Variants in NANS observed in about 807,000 individuals in gnomAD.
NANS encodes the protein N-acetylneuraminate-9-phosphate synthase.
NANS carries 29 observed loss-of-function variants against 33.3 expected under a neutral mutation model. The observed-to-expected ratio is 0.87, with a 90% CI of 0.65 to 1.19. The LOEUF is 1.19. Ranked by LOEUF, NANS falls within the 50% of genes most tolerant of loss-of-function variation. The probability of loss-of-function intolerance (pLI) is 0.00; values close to 1 mark genes in which losing one functional copy is unlikely to be tolerated. For synonymous variants in NANS, 163 were observed against 177.2 expected, an observed-to-expected ratio of 0.92 and a Z score of 0.64; for missense variants, 394 against 461.1, an observed-to-expected ratio of 0.85 and a Z score of 1.33.
intron 5 of NANS, 77 bp downstream of exon 5, chr9:98,081,159 G>T: frequency 1.9e-6 from 3 of 1,561,878 alleles, no homozygotes; most frequent in Non-Finnish European, 2.6e-6. Context: ...GGGATGGTCA[G>T]GACCAGCCCT....
chr9:98,057,456 T>C (rs943133356), intron 1 of NANS, among the ~76,000 whole-genome samples: 1 of 152,218 alleles, frequency 6.6e-6, no homozygotes, highest in Non-Finnish European at 1.5e-5. Context: ...AAGCCGGGCC[T>C]TTGAGTTCAA....
At chr9:98,072,535 C>T (rs1270462966) in intron 2 of NANS, among the ~76,000 whole-genome samples, 2 of 151,994 alleles carry the variant, frequency 1.3e-5, no homozygotes, top group East Asian at 3.9e-4. Context: ...CTCAGCCTCC[C>T]GAGTAGCTGG....
chr9:98,078,168 A>ATGGTG (rs921901811), intron 3 of NANS, 25 bp from the exon 4 acceptor site: 18 of 1,613,998 alleles, frequency 1.1e-5, no homozygotes, highest in Non-Finnish European at 1.4e-5. Context: ...GAAAGTGCTG[A>ATGGTG]TGGTGTTGGT....
At chr9:98,072,004 G>A (rs1829356154) in intron 2 of NANS, among the ~76,000 whole-genome samples, 1 of 152,136 alleles carries the variant, frequency 6.6e-6, no homozygotes, top group Admixed American at 6.5e-5. Context: ...TTTGCAGCGG[G>A]GCTTCCTCCT....
intron 2 of NANS, chr9:98,076,219 C>T (rs1032597229): frequency 1.3e-5 from 2 of 152,136 alleles, no homozygotes; most frequent in Admixed American, 6.5e-5. Flanking sequence ...TTTTCCTGCT[C>T]GTTTGGCCGA....
At chr9:98,069,668 G>A (rs1829254106) in intron 2 of NANS, 1 of 152,256 alleles carries the variant, frequency 6.6e-6, no homozygotes, top group African/African-American at 2.4e-5. Context: ...CATACTGTAC[G>A]ATTCTGCTTC....
intron 2 of NANS, 131 bp from the exon 3 acceptor site, chr9:98,076,787 T>C: frequency 4.4e-6 from 3 of 676,126 alleles, no homozygotes; most frequent in Non-Finnish European, 7.6e-6. Context: ...CTTTGCCTGC[T>C]TTCAAGTTGC....
intron 1 of NANS, among the ~76,000 whole-genome samples, chr9:98,059,968 G>T (rs562367118): frequency 6.4e-4 from 98 of 152,252 alleles, no homozygotes; most frequent in African/African-American, 2.2e-3. Context: ...GTCCCTGAGA[G>T]GGCCTCATTA....
At position 98,060,961 on chromosome 9, in the gene NANS, G is replaced by T. The variant is rs1249193041; in HGVS notation, c.312G>T (p.Glu104Asp). The T allele has an allele frequency of 6.2e-7, 1 of 1,614,080 alleles. No individual in the cohort carries two copies. Among genetic ancestry groups the T allele is most frequent in the Non-Finnish European group, 8.5e-7 (1 of 1,180,048 alleles). The change falls in exon 2 of 6, where the codon GAG becomes GAT. Residue 104 changes from glutamate to aspartate, a missense_variant. Transcript: ENST00000210444. ...QYRELQRYAEEVGIFFTASGM... is the reference protein window; with the variant it reads ...QYRELQRYAEDVGIFFTASGM... ...GGGAGCTGCAGAGGTACGCCGAGGA[G>T]GTTGGGATCTTCTTCACTGCCTCTG... is the stretch of plus-strand genomic sequence containing the variant.
Position 98,082,725 on chromosome 9 carries a change from A to G in NANS, c.871-121A>G, listed in dbSNP as rs2281732. On this transcript the variant is annotated intron_variant, in intron 5 of 5. Coordinates refer to ENST00000210444, the MANE Select transcript of NANS (RefSeq NM_018946.4). ...TATTCTGAGCAGTGTAGGGGGCAAC[A>G]GAGTGCCTGCTCCCAAGGTACTGCC... 0.24 allele frequency: 201,412 copies of G among 831,620 alleles called. 30,848 individuals carry two copies. Among genetic ancestry groups the G allele is most frequent in the African/African-American group, 0.57 (33,231 of 58,672 alleles). The allele number at this position is 831,620 out of a possible 1,614,324, so 51.5% of individuals were successfully genotyped here. A position where few individuals can be genotyped will look rare whatever the true frequency, so the allele number is the denominator to read the frequency against.
Position 98,056,853 on chromosome 9 carries a change from G to A in NANS, c.45G>A (p.Gly15=). Residue 15 remains glycine, a synonymous_variant, in exon 1 of 6, where the codon GGG becomes GGA. Coordinates refer to ENST00000210444, the MANE Select transcript of NANS (RefSeq NM_018946.4). The stretch of plus-strand genomic sequence containing the variant: ...TGTGTCCCGGGCGCTGGGTGGGCGG[G>A]CAACACCCGTGCTTCATCATTGCCG... ...LELCPGRWVG[G]QHPCFIIAEI... 1 of 1,609,390 alleles carries A rather than the reference G, an allele frequency of 6.2e-7. No homozygotes were observed. The highest frequency in any genetic ancestry group is 8.5e-7 in the Non-Finnish European group (1 of 1,178,032).
chr9:98,064,776 T>G (rs1005689138), intron 2 of NANS, among the ~76,000 whole-genome samples: 8 of 152,160 alleles, frequency 5.3e-5, no homozygotes, highest in African/African-American at 1.9e-4. Context: ...TGCTGCTGCC[T>G]GGCTGGCAGC....
intron 2 of NANS, among the ~76,000 whole-genome samples, chr9:98,072,131 C>T (rs1454518484): frequency 1.3e-5 from 2 of 152,168 alleles, no homozygotes; most frequent in East Asian, 3.9e-4. Flanking sequence ...GTGGCTTGGG[C>T]TCCTCATGTA....
intron 5 of NANS, 62 bp downstream of exon 5, chr9:98,081,144 T>G: frequency 1.3e-6 from 2 of 1,594,870 alleles, no homozygotes; most frequent in Non-Finnish European, 1.7e-6. Context: ...TAGGCTGGCC[T>G]GAGAGGGATG....
intron 4 of NANS, among the ~76,000 whole-genome samples, chr9:98,079,083 T>A (rs1170392526): frequency 6.6e-6 from 1 of 152,108 alleles, no homozygotes; most frequent in African/African-American, 2.4e-5. Context: ...TGATGGAAAT[T>A]ACTCTCTCCC....
rs1328366517 is a variant in NANS, at chr9:98,080,905, G to A, written c.693G>A (p.Gly231=). 26 of 1,614,084 alleles carry A rather than the reference G, an allele frequency of 1.6e-5. No homozygotes were observed. Among genetic ancestry groups the A allele is most frequent in the Non-Finnish European group, 2.0e-5 (24 of 1,180,038 alleles). ...TATCTGTGGCCGCAGTGGCTCTGGG[G>A]GCCAAGGTGTTGGAACGTCACATAA... ...IAISVAAVAL[G]AKVLERHITL... The change falls in exon 5 of 6, where the codon GGG becomes GGA. Residue 231 remains glycine, a synonymous_variant. Coordinates refer to ENST00000210444, the MANE Select transcript of NANS (RefSeq NM_018946.4).
In NANS at chr9:98,060,831, A is replaced by G. The variant is rs765743972; in HGVS notation, c.182A>G (p.Lys61Arg). Residue 61 changes from lysine (K) to arginine (R), a missense_variant, in exon 2 of 6, where the codon AAG becomes AGG. Physicochemically the swap from Lys to Arg is conservative, Grantham distance 26. Transcript: ENST00000210444. ...TTCCAGAAGAGTGAGCTAGAATTCA[A>G]GTTTAATCGGAAAGCCTTGGAGAGG... The part of the protein sequence containing the change: ...AKFQKSELEF[K>R]FNRKALERPY... 5 of 1,614,208 alleles carry G rather than the reference A, an allele frequency of 3.1e-6. No individual in the cohort carries two copies. In the Admixed American group the frequency reaches 5.0e-5, roughly 16 times the overall value.
intron 5 of NANS, 107 bp from the exon 6 acceptor site, chr9:98,082,739 C>G: frequency 9.5e-7 from 1 of 1,053,394 alleles, no homozygotes; most frequent in Non-Finnish European, 1.4e-6. Context: ...TGCCTGCTCC[C>G]AAGGTACTGC....
At position 98,057,034 on chromosome 9, in the gene NANS, G is replaced by C. The variant is rs569435914; in HGVS notation, c.132+94G>C. On this transcript the variant is annotated intron_variant, in intron 1 of 5. Transcript: ENST00000210444. ...AGGGCCACACGGCCTCCGCGGCTGG[G>C]TACCCTGGTCCGGCCTCTTCCCGCC... is the stretch of plus-strand genomic sequence containing the variant. 8.1e-4 allele frequency: 1,149 copies of C among 1,419,142 alleles called. 4 individuals carry two copies. In the African/African-American group the frequency reaches 0.015, roughly 19 times the overall value. 87.9% of individuals were successfully genotyped at this position (1,419,142 alleles called of 1,614,324 possible). A position where few individuals can be genotyped will look rare whatever the true frequency, so the allele number is the denominator to read the frequency against.
Sources: gnomAD v4.1 joint callset for allele counts (sites outside exome capture counted in the v4.1 genomes callset) on GRCh38, gnomAD v4.1.1 for gene constraint, MANE v1.5 for transcripts, NCBI Gene and HGNC (gene_info 2026-07-23, HGNC 2026-07-21) for gene names.